Variants in CENPP observed in about 807,000 individuals in gnomAD.
CENPP encodes centromere protein P.
Under a neutral mutation model 35.6 loss-of-function variants are expected in CENPP, and 24 were observed. The ratio of observed to expected loss-of-function variants is 0.67; its 90% CI spans 0.49 to 0.95. The LOEUF (loss-of-function observed/expected upper bound fraction) is 0.95, where lower values mean the gene tolerates loss of function less well. Ranked by LOEUF, CENPP falls within the 40% of genes least tolerant of loss-of-function variation. The pLI, the probability that CENPP is intolerant of heterozygous loss-of-function variation, is 0.00. For missense variants in CENPP, 332 were observed against 345.3 expected, an observed-to-expected ratio of 0.96 and a Z score of 0.31; for synonymous variants, 120 against 125.5, an observed-to-expected ratio of 0.96 and a Z score of 0.29.
chr9:92,576,281 A>C (rs1290314120), intron 5 of CENPP, among the ~76,000 whole-genome samples: 5 of 152,238 alleles, frequency 3.3e-5, no homozygotes, highest in African/African-American at 1.2e-4. Context: ...TTTCACTTAC[A>C]TGAGGTACTT....
intron 5 of CENPP, among the ~76,000 whole-genome samples, chr9:92,465,642 C>T (rs1416639487): frequency 6.6e-6 from 1 of 152,174 alleles, no homozygotes; most frequent in Non-Finnish European, 1.5e-5. Flanking sequence ...AAAAATTCCT[C>T]ACATCGATAA....
intron 5 of CENPP, among the ~76,000 whole-genome samples, chr9:92,549,286 T>A (rs1250124307): frequency 6.6e-6 from 1 of 152,158 alleles, no homozygotes; most frequent in African/African-American, 2.4e-5. Flanking sequence ...CACTTTCTCA[T>A]AACCAAAACT....
intron 5 of CENPP, among the ~76,000 whole-genome samples, chr9:92,560,196 T>A (rs1310162305): frequency 1.3e-5 from 2 of 152,148 alleles, no homozygotes; most frequent in Non-Finnish European, 2.9e-5. Context: ...TCCGTCATAG[T>A]CTAGTTTGGA....
intron 5 of CENPP, among the ~76,000 whole-genome samples, chr9:92,396,745 T>A (rs532426380): frequency 8.4e-4 from 128 of 152,132 alleles, no homozygotes; most frequent in African/African-American, 2.9e-3. Flanking sequence ...TTGGTTAAAT[T>A]TTTTGTAGAG....
intron 3 of CENPP, among the ~76,000 whole-genome samples, chr9:92,343,417 A>G (rs553719716): frequency 8.5e-5 from 13 of 152,372 alleles, no homozygotes; most frequent in Admixed American, 4.6e-4. Context: ...AATCCAAGCA[A>G]TATAGTCAAT....
intron 5 of CENPP, chr9:92,517,088 GA>G (rs3841714): frequency 0.38 from 57,528 of 153,144 alleles, 13,555 homozygotes; most frequent in African/African-American, 0.67. Flanking sequence ...AGGGGTCCAT[GA>G]GCAGCCAACA....
chr9:92,499,131 GA>G (rs1334855686), intron 5 of CENPP, among the ~76,000 whole-genome samples: 1 of 152,218 alleles, frequency 6.6e-6, no homozygotes, highest in Admixed American at 6.5e-5. Context: ...GCAGACACAA[GA>G]GCCAGTTTGA....
chr9:92,586,363 C>A (rs1016051009), intron 5 of CENPP, among the ~76,000 whole-genome samples: 7 of 152,098 alleles, frequency 4.6e-5, no homozygotes, highest in Non-Finnish European at 7.4e-5. Flanking sequence ...GATTTAAAGT[C>A]ATGTACTACC....
chr9:92,474,783 C>CA, intron 5 of CENPP: 1 of 1,606,776 alleles, frequency 6.2e-7, no homozygotes, highest in Non-Finnish European at 8.5e-7. Flanking sequence ...TCATCATCAT[C>CA]ATCTGTGTCT....
At chr9:92,546,676 A>G (rs1209394670) in intron 5 of CENPP, among the ~76,000 whole-genome samples, 1 of 152,210 alleles carries the variant, frequency 6.6e-6, no homozygotes, top group African/African-American at 2.4e-5. Flanking sequence ...ACTCACCGTG[A>G]GGGTCCGCGG....
intron 5 of CENPP, chr9:92,393,181 A>G (rs756899012): frequency 3.1e-6 from 5 of 1,613,764 alleles, no homozygotes; most frequent in African/African-American, 1.3e-5. Context: ...TACAGCATCA[A>G]TGTCAACTTC....
chr9:92,511,539 T>A (rs1377802449), intron 5 of CENPP, among the ~76,000 whole-genome samples: 1 of 152,104 alleles, frequency 6.6e-6, no homozygotes, highest in Non-Finnish European at 1.5e-5. Flanking sequence ...TATCCCTAAT[T>A]TTTATATGAG....
At chr9:92,482,629 A>G (rs927692940) in intron 5 of CENPP, 3 of 152,222 alleles carry the variant, frequency 2.0e-5, no homozygotes, top group Non-Finnish European at 4.4e-5. Flanking sequence ...AAAAAAAGAA[A>G]GTTTAATAAT....
intron 5 of CENPP, among the ~76,000 whole-genome samples, chr9:92,406,777 T>C (rs994195444): frequency 2.0e-5 from 3 of 152,174 alleles, no homozygotes; most frequent in Non-Finnish European, 4.4e-5. Flanking sequence ...ACGGCCTCCC[T>C]CAGTTCCTTG....
intron 5 of CENPP, chr9:92,496,489 G>A (rs1465580889): frequency 2.5e-6 from 4 of 1,604,978 alleles, no homozygotes; most frequent in Non-Finnish European, 3.4e-6. Flanking sequence ...TGTTCCTAAG[G>A]AAAAATAGAC....
chr9:92,489,784 A>G (rs1457501830), intron 5 of CENPP, among the ~76,000 whole-genome samples: 2 of 152,110 alleles, frequency 1.3e-5, no homozygotes, highest in African/African-American at 4.8e-5. Context: ...AAGGCAGTCA[A>G]ACTCAGGTTT....
chr9:92,378,294 C>T (rs4595190), intron 4 of CENPP, among the ~76,000 whole-genome samples: 7 of 152,136 alleles, frequency 4.6e-5, no homozygotes, highest in Non-Finnish European at 7.3e-5. Context: ...GGGTTCCCTT[C>T]TGCCAGGCCT....
intron 5 of CENPP, chr9:92,390,087 C>T (rs377017780): frequency 2.2e-5 from 28 of 1,281,042 alleles, no homozygotes; most frequent in East Asian, 7.0e-5. Flanking sequence ...AAAACAACTA[C>T]GTAAGTAAAA....
chr9:92,425,436 T>G (rs1234974063), intron 5 of CENPP, among the ~76,000 whole-genome samples: 1 of 152,238 alleles, frequency 6.6e-6, no homozygotes, highest in East Asian at 1.9e-4. Flanking sequence ...CTCTCCTGAA[T>G]AGTAACAGTT....
Sources: allele counts gnomAD v4.1 joint callset (sites outside exome capture counted in the v4.1 genomes callset), GRCh38; gene constraint gnomAD v4.1.1; transcripts MANE v1.5; gene names NCBI Gene and HGNC (gene_info 2026-07-23, HGNC 2026-07-21).